Variants in TMEM255B observed in about 807,000 individuals in gnomAD.
The protein encoded by TMEM255B is transmembrane protein 255B.
A neutral mutation model predicts 34.5 loss-of-function variants in TMEM255B; 35 were observed. The observed-to-expected ratio is 1.01, with a 90% CI of 0.77 to 1.34. TMEM255B has a LOEUF of 1.34. Among genes scored for constraint, TMEM255B ranks in the 40% most tolerant of loss-of-function variants. The pLI is 0.00. For synonymous variants in TMEM255B, 206 were observed against 201.2 expected (o/e 1.02, Z -0.20); for missense variants, 432 against 433.2 (o/e 1.00, Z 0.02).
intron 3 of TMEM255B, among the ~76,000 whole-genome samples, chr13:113,780,942 A>G (rs1187566536): frequency 6.6e-6 from 1 of 152,238 alleles, no homozygotes; most frequent in Non-Finnish European, 1.5e-5. Flanking sequence ...GAAGTCTCCC[A>G]TAACTTTGGA....
At chr13:113,803,536 G>GC (rs2051104235) in intron 7 of TMEM255B, among the ~76,000 whole-genome samples, 2 of 147,860 alleles carry the variant, frequency 1.4e-5, no homozygotes, top group African/African-American at 4.9e-5. Flanking sequence ...TGACTCCGTG[G>GC]CCCCCGTGTT....
intron 3 of TMEM255B, among the ~76,000 whole-genome samples, chr13:113,779,882 C>T (rs1188981072): frequency 6.6e-6 from 1 of 152,204 alleles, no homozygotes; most frequent in Non-Finnish European, 1.5e-5. Context: ...AAACAATTTT[C>T]TCTCTCCAGT....
rs879903702 is a variant in TMEM255B at position 113,789,163 on chromosome 13, GT to G, written c.253-5972del. Among the ~76,000 whole-genome samples the G allele has an allele frequency of 1.6e-3, 228 of 143,646 alleles. 3 individuals are homozygous for G. Among genetic ancestry groups the G allele is most frequent in the Middle Eastern group, 7.3e-3 (2 of 274 alleles). 94.2% of individuals were successfully genotyped at this position (143,646 alleles called of 152,430 possible). ...TCACCATGACCTTATGCTCAGTGTGGTTTTTTTTTTTTTGTAAATCTACTTT... is the reference window on the plus strand; with the variant it reads ...TCACCATGACCTTATGCTCAGTGTGGTTTTTTTTTTTTGTAAATCTACTTT... On this transcript the variant is annotated intron_variant, in intron 3 of 8. Coordinates refer to ENST00000375353, the MANE Select transcript of TMEM255B (RefSeq NM_182614.4).
At chr13:113,782,246 A>G (rs1000426102) in intron 3 of TMEM255B, among the ~76,000 whole-genome samples, 2 of 152,222 alleles carry the variant, frequency 1.3e-5, no homozygotes, top group Non-Finnish European at 2.9e-5. Context: ...AATTAGACAC[A>G]AATTATTTAA....
chr13:113,791,328 G>T, intron 3 of TMEM255B, among the ~76,000 whole-genome samples: 1 of 152,222 alleles, frequency 6.6e-6, no homozygotes, highest in East Asian at 1.9e-4. Flanking sequence ...TCTGAAAGTG[G>T]CCGGGGCATC....
intron 3 of TMEM255B, among the ~76,000 whole-genome samples, chr13:113,783,794 A>G (rs1427507978): frequency 6.6e-6 from 1 of 152,090 alleles, no homozygotes; most frequent in Non-Finnish European, 1.5e-5. Context: ...GGTGAGGAGC[A>G]GATGCAGAGG....
rs11619369 is a variant in TMEM255B at position 113,813,030 on chromosome 13, C to G, written c.*1127C>G. ...AGTGGGTCACGGGTCCCGGGTGGGTCACAGGCGCCCCAGTGACAGGAGTTC... is the reference window on the plus strand; with the variant it reads ...AGTGGGTCACGGGTCCCGGGTGGGTGACAGGCGCCCCAGTGACAGGAGTTC... On this transcript the variant is annotated 3_prime_UTR_variant, in exon 9 of 9. Transcript: ENST00000375353. 0.085 allele frequency: 12,268 copies of G among 143,626 alleles called. 917 individuals carry two copies. Among genetic ancestry groups the G allele is most frequent in the Non-Finnish European group, 0.13 (8,269 of 64,802 alleles). The allele number at this position is 143,626 out of a possible 1,614,324, so 8.9% of individuals were successfully genotyped here. A position where few individuals can be genotyped will look rare whatever the true frequency, so the allele number is the denominator to read the frequency against.
intron 3 of TMEM255B, among the ~76,000 whole-genome samples, chr13:113,789,894 G>A (rs1271091534): frequency 6.6e-6 from 1 of 151,090 alleles, no homozygotes; most frequent in African/African-American, 2.4e-5. Context: ...GACCATGTAC[G>A]TGGATGTCCT....
intron 4 of TMEM255B, among the ~76,000 whole-genome samples, chr13:113,796,656 T>A (rs1301566276): frequency 6.6e-6 from 1 of 152,170 alleles, no homozygotes; most frequent in Non-Finnish European, 1.5e-5. Context: ...GTCCTCAGCC[T>A]CCGGTGGGCT....
At chr13:113,788,426 C>T (rs1198798658) in intron 3 of TMEM255B, among the ~76,000 whole-genome samples, 13 of 143,180 alleles carry the variant, frequency 9.1e-5, no homozygotes, top group African/African-American at 2.6e-4. Flanking sequence ...AGGTGCCTCT[C>T]GCAGGTGGAG....
chr13:113,772,429 T>C (rs1594626629), intron 3 of TMEM255B, among the ~76,000 whole-genome samples: 1 of 152,244 alleles, frequency 6.6e-6, no homozygotes, highest in Non-Finnish European at 1.5e-5. Context: ...ACATGAAGAT[T>C]TACCCCTAGA....
At chr13:113,801,628 A>T in intron 6 of TMEM255B, 25 bp from the exon 7 acceptor site, 1 of 1,567,452 alleles carries the variant, frequency 6.4e-7, no homozygotes, top group Non-Finnish European at 8.7e-7. Context: ...TCGTGCGGTG[A>T]CGCCATGGTG....
At chr13:113,765,036 G>A (rs376716653) in intron 1 of TMEM255B, among the ~76,000 whole-genome samples, 34 of 152,188 alleles carry the variant, frequency 2.2e-4, no homozygotes, top group African/African-American at 7.2e-4. Context: ...TTACATTGGC[G>A]AATGGAGTGA....
intron 3 of TMEM255B, among the ~76,000 whole-genome samples, chr13:113,788,655 C>T (rs2050780068): frequency 1.3e-5 from 2 of 152,118 alleles, no homozygotes; most frequent in Admixed American, 6.5e-5. Context: ...CTTGCCCATC[C>T]GGGCCCTGGC....
intron 3 of TMEM255B, among the ~76,000 whole-genome samples, chr13:113,782,509 G>A (rs1282011258): frequency 6.6e-6 from 1 of 152,224 alleles, no homozygotes; most frequent in African/African-American, 2.4e-5. Context: ...GACTGAGACA[G>A]TGAAAACGGT....
rs139258415 is a variant in TMEM255B, at chr13:113,766,175, C to T, written c.107C>T (p.Ser36Phe). The part of the protein sequence containing the change: ...LWFVGSLLLV[S>F]VLIVTVGLAA... ...TTTGTGGGGTCTCTGCTGCTGGTGT[C>T]CGTCCTCATAGTCACCGTCGGGCTG... Residue 36 changes from serine to phenylalanine, a missense_variant, in exon 2 of 9, where the codon TCC becomes TTC. Coordinates refer to ENST00000375353, the MANE Select transcript of TMEM255B (RefSeq NM_182614.4). The T allele has an allele frequency of 1.7e-5, 27 of 1,614,112 alleles. No homozygotes were observed. Among genetic ancestry groups the T allele is most frequent in the Non-Finnish European group, 2.2e-5 (26 of 1,180,046 alleles).
At chr13:113,808,210 G>C (rs564865859) in intron 8 of TMEM255B, among the ~76,000 whole-genome samples, 14 of 152,298 alleles carry the variant, frequency 9.2e-5, no homozygotes, top group African/African-American at 3.1e-4. Flanking sequence ...GACAGTGGGG[G>C]ATGGGGAACA....
intron 3 of TMEM255B, among the ~76,000 whole-genome samples, chr13:113,786,149 C>A (rs2050736540): frequency 6.6e-6 from 1 of 152,232 alleles, no homozygotes; most frequent in South Asian, 2.1e-4. Flanking sequence ...GGGCCACCAT[C>A]ATCACCATCC....
In TMEM255B at chr13:113,805,003, G is replaced by C. The variant is rs1409569605; in HGVS notation, c.788G>C (p.Cys263Ser). The part of the protein sequence containing the change: ...FRLTPEPVPT[C>S]SSYPLPLQPC... ...CTGACGCCCGAGCCCGTCCCGACCT[G>C]CTCGTCCTACCCTCTGCCCCTTCAG... The change falls in exon 8 of 9, where the codon TGC (cysteine) becomes TCC (serine). Residue 263 changes from cysteine (C) to serine (S), a missense_variant. Coordinates refer to ENST00000375353, the MANE Select transcript of TMEM255B (RefSeq NM_182614.4). The C allele has an allele frequency of 6.9e-6, 11 of 1,605,404 alleles. No homozygotes were observed. Among genetic ancestry groups the C allele is most frequent in the East Asian group, 4.5e-5 (2 of 44,772 alleles).
Sources: allele counts gnomAD v4.1 joint callset (sites outside exome capture counted in the v4.1 genomes callset), GRCh38; gene constraint gnomAD v4.1.1; transcripts MANE v1.5; gene names NCBI Gene and HGNC (gene_info 2026-07-23, HGNC 2026-07-21).